Variants in VIRMA observed in about 807,000 individuals in gnomAD.
The protein encoded by VIRMA is vir like m6A methyltransferase associated.
A neutral mutation model predicts 182.4 loss-of-function variants in VIRMA; 65 were observed. The ratio of observed to expected loss-of-function variants is 0.36; its 90% confidence interval spans 0.29 to 0.44. The LOEUF (loss-of-function observed/expected upper bound fraction) is 0.44. Ranked by LOEUF, VIRMA falls within the 20% of genes least tolerant of loss-of-function variation. The pLI, the probability that VIRMA is intolerant of heterozygous loss-of-function variation, is 1.00. For synonymous variants in VIRMA, 709 were observed against 743.1 expected (o/e 0.95, Z 0.75); for missense variants, 1,752 against 2,158.1 (o/e 0.81, Z 3.73).
chr8:94,534,984 T>C lies in VIRMA; in HGVS notation c.339A>G (p.Leu113=), dbSNP rs375763820. The change falls in exon 5 of 24, where the codon CTA becomes CTG. Residue 113 remains leucine, a synonymous_variant. Coordinates refer to ENST00000297591, the MANE Select transcript of VIRMA (RefSeq NM_015496.5). The part of the protein sequence containing the change: ...NSKVNTDGLV[L]RGWYNCLTLA... ...GTGTCAGACAGTTATACCAGCCTCT[T>C]AGCACCAGACCATCAGTATTCACCT... is the stretch of plus-strand genomic sequence containing the variant. The C allele has an allele frequency of 1.7e-5, 28 of 1,607,274 alleles. No individual in the cohort carries two copies. Among genetic ancestry groups the C allele is most frequent in the Non-Finnish European group, 2.4e-5 (28 of 1,178,336 alleles).
At chr8:94,508,499 T>G (rs968299998) in intron 15 of VIRMA, among the ~76,000 whole-genome samples, 3 of 152,148 alleles carry the variant, frequency 2.0e-5, no homozygotes, top group Non-Finnish European at 4.4e-5. Context: ...AAGGCTCGAA[T>G]CAGAAGGAAA....
At chr8:94,513,985 T>C (rs1438356323) in intron 11 of VIRMA, among the ~76,000 whole-genome samples, 1 of 152,178 alleles carries the variant, frequency 6.6e-6, no homozygotes, top group Admixed American at 6.5e-5. Context: ...AAAAAACACT[T>C]TGCTGTGGGT....
intron 1 of VIRMA, among the ~76,000 whole-genome samples, chr8:94,551,043 G>A (rs1447118020): frequency 6.6e-6 from 1 of 152,136 alleles, no homozygotes; most frequent in African/African-American, 2.4e-5. Flanking sequence ...TCTTTGTCGA[G>A]CATTCAAGGA....
chr8:94,510,446 C>A lies in VIRMA; in HGVS notation c.3597G>T (p.Val1199=). 6.2e-7 allele frequency: 1 copy of A among 1,613,924 alleles called. No individual in the cohort carries two copies. The highest frequency in any genetic ancestry group is 8.5e-7 in the Non-Finnish European group (1 of 1,179,912). ...GCAAGTCTTCTACAATCAAATCCAA[C>A]ACAGTTCTCATAATCAGAAGTGCAG... ...SPTALLIMRT[V]LDLIVEDLQS... is the part of the protein sequence containing the mutation. Residue 1199 remains valine, a synonymous_variant, in exon 14 of 24, where the codon GTG becomes GTT. Coordinates refer to ENST00000297591, the MANE Select transcript of VIRMA (RefSeq NM_015496.5).
chr8:94,547,145 G>A (rs1333102655), intron 1 of VIRMA: 1 of 382,186 alleles, frequency 2.6e-6, no homozygotes, highest in Non-Finnish European at 5.1e-6. Flanking sequence ...ATTAGACTAT[G>A]TGTTTAAAGA....
rs569577770 is a variant in VIRMA at position 94,536,854 on chromosome 8, C to G, written c.315+249G>C. On this transcript the variant is annotated intron_variant, in intron 4 of 23. Transcript: ENST00000297591. ...ATTAGCCGGGCATGGTGGCAGACACCTCTAGTCCCAGCTACTCGGGAGGCT... is the reference window on the plus strand; with the variant it reads ...ATTAGCCGGGCATGGTGGCAGACACGTCTAGTCCCAGCTACTCGGGAGGCT... 3.7e-3 allele frequency among the ~76,000 whole-genome samples: 556 copies of G among 152,316 alleles called. 1 individual carries two copies. Among genetic ancestry groups the G allele is most frequent in the Non-Finnish European group, 6.1e-3 (414 of 68,024 alleles).
Position 94,519,328 on chromosome 8 carries a change from C to G in VIRMA, c.2170G>C (p.Glu724Gln). 13 of 1,607,490 alleles carry G rather than the reference C, an allele frequency of 8.1e-6. No homozygotes were observed. The highest frequency in any genetic ancestry group is 1.1e-5 in the Non-Finnish European group (13 of 1,178,300). ...ATCAATAAATTTGTTGCTTCATATT[C>G]CGACATAAAAAAAAGAAGACCCTTC... ...SQKGLLFFMS[E>Q]YEATNLLIRA... is the part of the protein sequence containing the mutation. Residue 724 changes from glutamate (E) to glutamine (Q), a missense_variant, in exon 9 of 24, where the codon GAA (glutamate) becomes CAA (glutamine). Glu to Gln is a conservative substitution (Grantham distance 29, BLOSUM62 2). Around this residue, in one of 11 missense-constraint regions of VIRMA, gnomAD observed 401 missense variants for 455.1 expected, o/e 0.88. Coordinates refer to ENST00000297591, the MANE Select transcript of VIRMA (RefSeq NM_015496.5).
intron 1 of VIRMA, among the ~76,000 whole-genome samples, chr8:94,549,625 T>C (rs988211516): frequency 1.3e-5 from 2 of 152,226 alleles, no homozygotes; most frequent in African/African-American, 4.8e-5. Context: ...AATTTGTACA[T>C]ATCCAAAACT....
intron 10 of VIRMA, among the ~76,000 whole-genome samples, chr8:94,515,316 C>T (rs1409922691): frequency 3.3e-5 from 5 of 151,876 alleles, no homozygotes; most frequent in Non-Finnish European, 1.5e-5. Context: ...AGGCTGGTCT[C>T]GAACTTCTGA....
intron 7 of VIRMA, 115 bp downstream of exon 7, chr8:94,528,955 C>A: frequency 7.6e-7 from 1 of 1,318,978 alleles, no homozygotes; most frequent in Non-Finnish European, 1.1e-6. Flanking sequence ...TACATTCTGA[C>A]CCTGGGTTTC....
At chr8:94,495,997 T>A (rs1400294863) in intron 18 of VIRMA, 106 bp from the exon 19 acceptor site, 1 of 933,434 alleles carries the variant, frequency 1.1e-6, no homozygotes, top group African/African-American at 1.7e-5. Flanking sequence ...CTAAGAAATT[T>A]GGAACACTGT....
In VIRMA at chr8:94,544,758, G is replaced by A. The variant is rs75537904; in HGVS notation, c.64-816C>T. On this transcript the variant is annotated intron_variant, in intron 1 of 23. Transcript: ENST00000297591. ...CCAAATGAATTCAGGGTAGGGTTTT[G>A]TGTTTTTTGGTGTAAGTTTTTTGCC... Among the ~76,000 whole-genome samples, 1,059 of 151,416 alleles carry A rather than the reference G, an allele frequency of 7.0e-3. 32 individuals carry two copies. The East Asian group carries it at 0.083, about 12-fold the overall frequency.
chr8:94,553,253 G>A, intron 1 of VIRMA, 132 bp downstream of exon 1: 2 of 874,052 alleles, frequency 2.3e-6, no homozygotes, highest in Non-Finnish European at 3.8e-6. Flanking sequence ...CACAGCTCGG[G>A]GGAGGGTGTC....
At chr8:94,525,705 G>A (rs1192841275) in intron 8 of VIRMA, among the ~76,000 whole-genome samples, 1 of 152,168 alleles carries the variant, frequency 6.6e-6, no homozygotes, top group Non-Finnish European at 1.5e-5. Flanking sequence ...AATCTACTAG[G>A]GATGCTGGTC....
chr8:94,514,678 G>A (rs1814498429), intron 11 of VIRMA, among the ~76,000 whole-genome samples, 191 bp downstream of exon 11: 1 of 152,208 alleles, frequency 6.6e-6, no homozygotes, highest in African/African-American at 2.4e-5. Flanking sequence ...TTATGTGCAC[G>A]TGTGTTCACA....
chr8:94,545,726 G>A lies in VIRMA; in HGVS notation c.64-1784C>T, dbSNP rs114387399. Reference sequence around the variant, plus strand: ...TGTAGGCAAACAAGGGAGAAGGCATGCACAAAAGGAATGCAAAAGAGAACA... The same window carrying A: ...TGTAGGCAAACAAGGGAGAAGGCATACACAAAAGGAATGCAAAAGAGAACA... On this transcript the variant is annotated intron_variant, in intron 1 of 23. Transcript: ENST00000297591. Among the ~76,000 whole-genome samples the A allele has an allele frequency of 3.4e-3, 516 of 152,242 alleles. 1 individual carries two copies. The highest frequency in any genetic ancestry group is 0.012 in the African/African-American group (499 of 41,528).
At chr8:94,510,022 A>C in intron 14 of VIRMA, 82 bp from the exon 15 acceptor site, 1 of 1,230,238 alleles carries the variant, frequency 8.1e-7, no homozygotes, top group Non-Finnish European at 1.1e-6. Flanking sequence ...CTCAATACAC[A>C]TCAACTTACA....
chr8:94,548,654 A>ATTAT (rs1477727697), intron 1 of VIRMA, among the ~76,000 whole-genome samples: 1 of 144,478 alleles, frequency 6.9e-6, no homozygotes, highest in Non-Finnish European at 1.5e-5. Flanking sequence ...ATATTTTTTT[A>ATTAT]TTATTTATTT....
intron 5 of VIRMA, 83 bp downstream of exon 5, chr8:94,534,756 T>C: frequency 6.6e-7 from 1 of 1,520,600 alleles, no homozygotes; most frequent in East Asian, 2.3e-5. Context: ...AAACAAAAGG[T>C]AAAAGAGTGC....
Sources: gnomAD v4.1 joint callset for allele counts (sites outside exome capture counted in the v4.1 genomes callset) on GRCh38, gnomAD v4.1.1 for gene constraint, gnomAD v4.1.1 regional missense constraint, MANE v1.5 for transcripts, NCBI Gene and HGNC (gene_info 2026-07-23, HGNC 2026-07-21) for gene names.